The following DISP1 variants were observed in gnomAD, a reference collection of about 807,000 sequenced individuals.
The protein encoded by DISP1 is dispatched RND transporter family member 1.
DISP1 carries 30 observed loss-of-function variants against 37.3 expected under a neutral mutation model. The ratio of observed to expected loss-of-function variants is 0.80; its 90% CI spans 0.60 to 1.09. The LOEUF (loss-of-function observed/expected upper bound fraction) is 1.09, where lower values mean the gene tolerates loss of function less well. Among genes scored for constraint, DISP1 ranks in the 50% least tolerant of loss-of-function variants. The pLI is 0.00. For synonymous variants in DISP1, 634 were observed against 690.2 expected (o/e 0.92, Z 1.28); for missense variants, 1,598 against 1,879.5 (o/e 0.85, Z 2.77).
chr1:222,858,843 C>T (rs1047329750), intron 1 of DISP1, among the ~76,000 whole-genome samples: 13 of 152,074 alleles, frequency 8.5e-5, no homozygotes, highest in South Asian at 6.2e-4. Context: ...CAGATGCTGG[C>T]GAGGTTGCAG....
intron 1 of DISP1, among the ~76,000 whole-genome samples, chr1:222,874,965 T>C (rs1669873843): frequency 6.6e-6 from 1 of 152,194 alleles, no homozygotes; most frequent in South Asian, 2.1e-4. Flanking sequence ...TAATACCTAC[T>C]ATTATTACAA....
intron 3 of DISP1, among the ~76,000 whole-genome samples, chr1:222,957,259 C>G (rs1166754964): frequency 6.6e-6 from 1 of 151,718 alleles, no homozygotes; most frequent in East Asian, 1.9e-4. Context: ...CTTTTCTTCT[C>G]CCCCTGATAA....
chr1:222,834,030 C>A (rs1666401581), intron 1 of DISP1, among the ~76,000 whole-genome samples: 1 of 152,138 alleles, frequency 6.6e-6, no homozygotes, highest in Non-Finnish European at 1.5e-5. Context: ...TCTTAAGTAT[C>A]ATTTGGAGCA....
In DISP1 at chr1:222,837,562, G is replaced by GT. The variant is rs1459216832; in HGVS notation, c.-159+22485dup. On this transcript the variant is annotated intron_variant, in intron 1 of 8. Transcript: ENST00000675850. ...AATATTCACTTTCCATCTATTGTGG[G>GT]TGGGGCACAATGCTAAATGTAATGA... 2.6e-5 allele frequency among the ~76,000 whole-genome samples: 4 copies of GT among 152,196 alleles called. No individual in the cohort carries two copies. The East Asian group carries it at 7.7e-4, about 29-fold the overall frequency.
At chr1:222,976,126 A>G (rs184186696) in intron 3 of DISP1, among the ~76,000 whole-genome samples, 4 of 152,304 alleles carry the variant, frequency 2.6e-5, no homozygotes, top group African/African-American at 7.2e-5. Flanking sequence ...TAAAAAGTGA[A>G]TGCTGGAAAA....
In DISP1 at chr1:222,996,605, A is replaced by G. The variant is rs370800963; in HGVS notation, c.987+1623A>G. ...AGCTGATATTTAGTGAGTATTTACC[A>G]TGTGCCAGGAAGTGTTCTAAATACT... On this transcript the variant is annotated intron_variant, in intron 8 of 8. Transcript: ENST00000675850. Among the ~76,000 whole-genome samples, 8 of 152,332 alleles carry G rather than the reference A, an allele frequency of 5.3e-5. No individual in the cohort carries two copies. In the East Asian group the frequency reaches 9.6e-4, roughly 18 times the overall value.
chr1:222,891,639 G>T (rs913053133), intron 1 of DISP1, among the ~76,000 whole-genome samples: 1 of 152,154 alleles, frequency 6.6e-6, no homozygotes, highest in Non-Finnish European at 1.5e-5. Flanking sequence ...TACTGCTTGG[G>T]AAACCAAGCT....
At chr1:222,864,886 A>T (rs912846407) in intron 1 of DISP1, among the ~76,000 whole-genome samples, 23 of 152,198 alleles carry the variant, frequency 1.5e-4, no homozygotes, top group Admixed American at 1.5e-3. Flanking sequence ...CTTAAGACTC[A>T]TTCCCAAATT....
intron 1 of DISP1, among the ~76,000 whole-genome samples, chr1:222,831,638 A>G (rs1665773088): frequency 1.3e-5 from 2 of 152,182 alleles, no homozygotes; most frequent in African/African-American, 2.4e-5. Context: ...CAAGACAAAG[A>G]GATTAGAGAA....
At position 223,003,624 on chromosome 1, in the gene DISP1, A is replaced by C. The variant is rs1197795322; in HGVS notation, c.2227A>C (p.Lys743Gln). 10 of 1,614,104 alleles carry C rather than the reference A, an allele frequency of 6.2e-6. No individual in the cohort carries two copies. The highest frequency in any genetic ancestry group is 7.6e-6 in the Non-Finnish European group (9 of 1,180,042). ...CATTGTATGTATAAATCCAAAGATG[A>C]AACTGCCCTCACTGGAGTTATCCGA... Reference protein sequence around the residue: ...AYIVCINPKMKLPSLELSEFQ... With the variant: ...AYIVCINPKMQLPSLELSEFQ... The change falls in exon 9 of 9, where the codon AAA (lysine) becomes CAA (glutamine). Residue 743 changes from lysine to glutamine, a missense_variant. Transcript: ENST00000675850. This position sits in a 1 kb window ranked among gnomAD's most constrained non-coding sequence, Gnocchi z 4.3.
chr1:222,863,299 T>C (rs1668988868), intron 1 of DISP1, among the ~76,000 whole-genome samples: 2 of 152,052 alleles, frequency 1.3e-5, no homozygotes, highest in Non-Finnish European at 2.9e-5. Flanking sequence ...GGTGGGCAGA[T>C]TGCTTCAGCT....
Position 223,004,024 on chromosome 1 carries a change from A to T in DISP1, c.2627A>T (p.His876Leu). ...CCTGCCCTGTACCCATGCTGCAGCC[A>T]CTGGAGCTTCCCCTACAAGCAAGAG... is the stretch of plus-strand genomic sequence containing the variant. ...DEPALYPCCS[H>L]WSFPYKQEIF... The change falls in exon 9 of 9, where the codon CAC becomes CTC. Residue 876 changes from histidine (H) to leucine (L), a missense_variant. His to Leu is a moderately conservative substitution (Grantham distance 99). Transcript: ENST00000675850. This position sits in a 1 kb window ranked among gnomAD's most constrained non-coding sequence, Gnocchi z 4.9. 6.2e-7 allele frequency: 1 copy of T among 1,614,176 alleles called. No homozygotes were observed. Among genetic ancestry groups the T allele is most frequent in the Non-Finnish European group, 8.5e-7 (1 of 1,180,022 alleles).
At chr1:222,936,937 A>AT (rs1673938486) in intron 2 of DISP1, among the ~76,000 whole-genome samples, 1 of 76,024 alleles carries the variant, frequency 1.3e-5, no homozygotes. Flanking sequence ...TATGTAATAT[A>AT]TATTATATAT....
intron 2 of DISP1, among the ~76,000 whole-genome samples, chr1:222,929,645 A>G (rs1673277021): frequency 6.6e-6 from 1 of 152,110 alleles, no homozygotes; most frequent in South Asian, 2.1e-4. Context: ...TGTGTAAATA[A>G]GCTCTAAATT....
chr1:222,981,984 T>C (rs187824528), intron 3 of DISP1, among the ~76,000 whole-genome samples: 1 of 152,340 alleles, frequency 6.6e-6, no homozygotes, highest in Admixed American at 6.5e-5. Context: ...AGCTGATATG[T>C]ACCATATTGG....
At chr1:222,858,221 A>G (rs1359426894) in intron 1 of DISP1, among the ~76,000 whole-genome samples, 2 of 152,228 alleles carry the variant, frequency 1.3e-5, no homozygotes, top group East Asian at 3.8e-4. Flanking sequence ...TGCTGGAATT[A>G]CTATTATCTA....
chr1:222,852,218 A>T (rs1021852966), intron 1 of DISP1, among the ~76,000 whole-genome samples: 2 of 149,158 alleles, frequency 1.3e-5, no homozygotes, highest in African/African-American at 4.9e-5. Context: ...CTGAAAAAAA[A>T]TTCCAAATTG....
intron 2 of DISP1, among the ~76,000 whole-genome samples, chr1:222,940,940 CTTAAATT>C (rs1384581470): frequency 6.6e-6 from 1 of 152,176 alleles, no homozygotes; most frequent in Non-Finnish European, 1.5e-5. Context: ...AATTAAACAT[CTTAAATT>C]TCAATTAGCT....
chr1:222,816,616 C>G (rs1469936630), intron 1 of DISP1, among the ~76,000 whole-genome samples: 1 of 152,166 alleles, frequency 6.6e-6, no homozygotes, highest in Non-Finnish European at 1.5e-5. Context: ...ACTGCGATAT[C>G]TTGCTAGCTT....
Sources: allele counts gnomAD v4.1 joint callset (sites outside exome capture counted in the v4.1 genomes callset), GRCh38; gene constraint gnomAD v4.1.1; non-coding constraint Gnocchi (gnomAD v3.1); transcripts MANE v1.5; gene names NCBI Gene and HGNC (gene_info 2026-07-23, HGNC 2026-07-21).